ROBO1: variants seen among roughly 807,000 people sequenced by gnomAD.
The protein encoded by ROBO1 is roundabout homolog 1.
A neutral mutation model predicts 195.9 loss-of-function variants in ROBO1; 149 were observed. That is an observed-to-expected ratio of 0.76 (90% CI 0.67 to 0.87). The LOEUF is 0.87. ROBO1 is among the 40% of genes least tolerant of loss of function. The pLI is 0.00. For missense variants in ROBO1, 1,933 were observed against 2,068.3 expected, an observed-to-expected ratio of 0.93 and a Z score of 1.27; for synonymous variants, 816 against 733.2, an observed-to-expected ratio of 1.11 and a Z score of -1.82.
intron 2 of ROBO1, among the ~76,000 whole-genome samples, chr3:79,279,031 T>C (rs1435878932): frequency 6.6e-6 from 1 of 151,980 alleles, no homozygotes; most frequent in Admixed American, 6.6e-5. Flanking sequence ...TCCCAGCACT[T>C]TGGGAGGCCA....
intron 1 of ROBO1, among the ~76,000 whole-genome samples, chr3:79,716,537 AT>A (rs1343779857): frequency 6.6e-6 from 1 of 151,896 alleles, no homozygotes; most frequent in Admixed American, 6.6e-5. Flanking sequence ...TACTATGATA[AT>A]TTTTCAAAGT....
intron 27 of ROBO1, 80 bp from the exon 28 acceptor site, chr3:78,614,880 T>C (rs901658194): frequency 1.5e-5 from 20 of 1,350,074 alleles, no homozygotes; most frequent in Non-Finnish European, 2.0e-5. Flanking sequence ...AAAGAAAACA[T>C]TAAAACCAGA....
chr3:78,843,236 A>G (rs890256060), intron 4 of ROBO1, among the ~76,000 whole-genome samples: 1 of 152,096 alleles, frequency 6.6e-6, no homozygotes, highest in East Asian at 1.9e-4. Context: ...AACTATGTGA[A>G]TGTTTTAACT....
At chr3:78,760,052 C>T (rs1274471033) in intron 4 of ROBO1, among the ~76,000 whole-genome samples, 1 of 152,102 alleles carries the variant, frequency 6.6e-6, no homozygotes, top group Non-Finnish European at 1.5e-5. Flanking sequence ...TTCCCCCATG[C>T]TGTTCTCATG....
intron 4 of ROBO1, among the ~76,000 whole-genome samples, chr3:78,909,610 G>T (rs2038128903): frequency 6.6e-6 from 1 of 151,830 alleles, no homozygotes; most frequent in African/African-American, 2.4e-5. Flanking sequence ...TTTATTTGTG[G>T]TGGTGAATAT....
chr3:78,939,005 C>T, intron 3 of ROBO1, 78 bp from the exon 4 acceptor site: 1 of 1,274,708 alleles, frequency 7.8e-7, no homozygotes, highest in Non-Finnish European at 1.1e-6. Flanking sequence ...ATTGGCTTAA[C>T]CATTACTATT....
At chr3:79,470,068 C>G (rs923309863) in intron 2 of ROBO1, among the ~76,000 whole-genome samples, 1 of 152,076 alleles carries the variant, frequency 6.6e-6, no homozygotes, top group Non-Finnish European at 1.5e-5. Context: ...AGGTTTGTTA[C>G]ATATGTATAC....
rs138390322 is a variant in ROBO1 at position 78,870,803 on chromosome 3, C to T, written c.499+67798G>A. 1.4e-3 allele frequency among the ~76,000 whole-genome samples: 210 copies of T among 152,166 alleles called. 3 individuals carry two copies. In the South Asian group the frequency reaches 0.033, roughly 24 times the overall value. On this transcript the variant is annotated intron_variant, in intron 4 of 30. Transcript: ENST00000464233. The stretch of plus-strand genomic sequence containing the variant: ...GCAAGAAAAACCATTGAGCAGAGAC[C>T]GAGAAGTGTCACAAGCCAACAGTAC...
intron 2 of ROBO1, among the ~76,000 whole-genome samples, chr3:79,433,596 G>T (rs1001119869): frequency 6.6e-6 from 1 of 152,048 alleles, no homozygotes; most frequent in Non-Finnish European, 1.5e-5. Flanking sequence ...TGGGTAGGAA[G>T]AATCAGTATC....
At chr3:79,559,608 T>TGTACTG (rs1195674138) in intron 2 of ROBO1, among the ~76,000 whole-genome samples, 5 of 152,140 alleles carry the variant, frequency 3.3e-5, no homozygotes, top group Non-Finnish European at 7.3e-5. Flanking sequence ...CAGTACCTTG[T>TGTACTG]GTACTGCAAG....
At chr3:79,078,555 T>C (rs1196536361) in intron 3 of ROBO1, among the ~76,000 whole-genome samples, 1 of 151,750 alleles carries the variant, frequency 6.6e-6, no homozygotes, top group East Asian at 1.9e-4. Flanking sequence ...GGATGTCCCA[T>C]ATATGCTAGA....
chr3:78,790,613 C>A (rs1193628236), intron 4 of ROBO1, among the ~76,000 whole-genome samples: 3 of 152,126 alleles, frequency 2.0e-5, no homozygotes, highest in African/African-American at 7.2e-5. Context: ...TGGTTCATTG[C>A]TTTTAATATT....
chr3:79,439,418 T>A (rs983223406), intron 2 of ROBO1, among the ~76,000 whole-genome samples: 1 of 152,130 alleles, frequency 6.6e-6, no homozygotes, highest in South Asian at 2.1e-4. Flanking sequence ...CAAAAGTAAT[T>A]TAAATAACTC....
intron 1 of ROBO1, among the ~76,000 whole-genome samples, chr3:79,600,442 G>A (rs1470404321): frequency 6.6e-6 from 1 of 151,876 alleles, no homozygotes; most frequent in African/African-American, 2.4e-5. Context: ...GAGAGTGAGA[G>A]AACACAGAGA....
At chr3:79,314,987 C>T (rs1015791498) in intron 2 of ROBO1, among the ~76,000 whole-genome samples, 1 of 152,054 alleles carries the variant, frequency 6.6e-6, no homozygotes, top group African/African-American at 2.4e-5. Context: ...AAAGTTCTCA[C>T]CGAAATGTCT....
intron 1 of ROBO1, among the ~76,000 whole-genome samples, chr3:79,757,890 T>C (rs1222602554): frequency 6.6e-6 from 1 of 152,184 alleles, no homozygotes; most frequent in Non-Finnish European, 1.5e-5. Context: ...GGAAAAGAAG[T>C]TGTGGTTGAA....
In ROBO1 at chr3:79,414,725, TAAAG is replaced by T. The variant is rs531831323; in HGVS notation, c.88+175095_88+175098del. 5.4e-3 allele frequency among the ~76,000 whole-genome samples: 827 copies of T among 152,220 alleles called. 6 individuals are homozygous for T. The highest frequency in any genetic ancestry group is 0.034 in the Middle Eastern group (10 of 294). On this transcript the variant is annotated intron_variant, in intron 2 of 30. Transcript: ENST00000464233. ...TTAGGTCATAAGTATTGAGAGATCATAAAGAGAGAGCCATTATAAATATGGGAAA... is the reference window on the plus strand; with the variant it reads ...TTAGGTCATAAGTATTGAGAGATCATAGAGAGCCATTATAAATATGGGAAA...
chr3:78,806,166 G>T (rs2084533036), intron 4 of ROBO1, among the ~76,000 whole-genome samples: 2 of 151,912 alleles, frequency 1.3e-5, no homozygotes, highest in South Asian at 4.2e-4. Flanking sequence ...AAGAGACAGG[G>T]TCTCACTATG....
At chr3:79,628,194 T>G (rs908053974) in intron 1 of ROBO1, among the ~76,000 whole-genome samples, 1 of 152,312 alleles carries the variant, frequency 6.6e-6, no homozygotes, top group Admixed American at 6.5e-5. Context: ...CATATGTTTA[T>G]TGCAGCATTA....
Sources: allele counts gnomAD v4.1 joint callset (sites outside exome capture counted in the v4.1 genomes callset), GRCh38; gene constraint gnomAD v4.1.1; transcripts MANE v1.5; gene names NCBI Gene and HGNC (gene_info 2026-07-23, HGNC 2026-07-21).